The following SUGCT variants were observed in gnomAD, a reference collection of about 807,000 sequenced individuals.
SUGCT encodes the protein succinyl-CoA:glutarate CoA-transferase.
SUGCT carries 41 observed loss-of-function variants against 55.0 expected under a neutral mutation model. The observed-to-expected ratio is 0.74, with a 90% CI of 0.58 to 0.97. SUGCT has a LOEUF of 0.97. Among genes scored for constraint, SUGCT ranks in the 50% least tolerant of loss-of-function variants. The pLI, the probability that SUGCT is intolerant of heterozygous loss-of-function variation, is 0.00. For missense variants in SUGCT, 568 were observed against 547.8 expected (o/e 1.04, Z -0.37); for synonymous variants, 187 against 200.4 (o/e 0.93, Z 0.56).
intron 9 of SUGCT, among the ~76,000 whole-genome samples, chr7:40,322,368 AC>A (rs1258270994): frequency 6.6e-6 from 1 of 152,120 alleles, no homozygotes; most frequent in African/African-American, 2.4e-5. Context: ...CTTTGTGCCC[AC>A]AGATCTTTGG....
the SUGCT span, among the ~76,000 whole-genome samples, chr7:40,884,526 C>A: frequency 6.6e-6 from 1 of 152,122 alleles, no homozygotes; most frequent in Non-Finnish European, 1.5e-5. Context: ...TAAATCCTCA[C>A]ATGTTAATAT....
intron 11 of SUGCT, among the ~76,000 whole-genome samples, chr7:40,479,412 G>C (rs1790899913): frequency 6.6e-6 from 1 of 152,080 alleles, no homozygotes; most frequent in South Asian, 2.1e-4. Flanking sequence ...AGCAGCAATA[G>C]ACTATAGCTT....
chr7:40,377,128 C>G lies in SUGCT; in HGVS notation c.816+60273C>G, dbSNP rs985180732. 3.2e-4 allele frequency among the ~76,000 whole-genome samples: 2 copies of G among 6,318 alleles called. 1 individual carries two copies. The highest frequency in any genetic ancestry group is 5.2e-4 in the African/African-American group (2 of 3,874). 4.1% of individuals were successfully genotyped at this position (6,318 alleles called of 152,430 possible). ...CTTGGAAAGGAAATTTTCAGCCTTC[C>G]TCTTTCTTTCTTTCTTTCTTTCTTT... On this transcript the variant is annotated intron_variant, in intron 9 of 13. Coordinates refer to ENST00000335693, the MANE Select transcript of SUGCT (RefSeq NM_001193313.2).
the SUGCT span, among the ~76,000 whole-genome samples, chr7:40,968,573 T>C: frequency 1.3e-5 from 2 of 152,194 alleles, no homozygotes; most frequent in African/African-American, 4.8e-5. Context: ...CAAGGTGAGG[T>C]TCAGCTCCTG....
chr7:40,617,453 T>C (rs748742392), intron 12 of SUGCT, among the ~76,000 whole-genome samples: 33 of 151,334 alleles, frequency 2.2e-4, no homozygotes, highest in Non-Finnish European at 4.3e-4. Context: ...AGTAAAATTC[T>C]GATTCAACTG....
intron 12 of SUGCT, among the ~76,000 whole-genome samples, chr7:40,644,291 T>G (rs1800397397): frequency 6.6e-6 from 1 of 152,220 alleles, no homozygotes; most frequent in African/African-American, 2.4e-5. Context: ...GTGCCTTCCA[T>G]GTCCAGATTA....
chr7:40,351,052 G>C (rs1163406587), intron 9 of SUGCT, among the ~76,000 whole-genome samples: 1 of 151,956 alleles, frequency 6.6e-6, no homozygotes, highest in Non-Finnish European at 1.5e-5. Flanking sequence ...GGGCATTTGG[G>C]TTGGTTCTTA....
chr7:40,707,718 C>T (rs941804196), intron 12 of SUGCT, among the ~76,000 whole-genome samples: 14 of 152,186 alleles, frequency 9.2e-5, no homozygotes, highest in Admixed American at 8.5e-4. Flanking sequence ...CAACCATCAA[C>T]ATCAGGAAAC....
At chr7:40,193,280 GTTTTTTTTTT>G (rs752659107) in intron 5 of SUGCT, among the ~76,000 whole-genome samples, 1 of 87,144 alleles carries the variant, frequency 1.1e-5, no homozygotes, top group African/African-American at 4.7e-5. Context: ...CAATTACTGT[GTTTTTTTTTT>G]TTTTTTTTTT....
the SUGCT span, among the ~76,000 whole-genome samples, chr7:40,898,483 G>GGGGGGC: frequency 1.8e-4 from 20 of 108,368 alleles, 2 homozygotes; most frequent in South Asian, 9.7e-4. Context: ...GGGAGGTCGG[G>GGGGGGC]GGGGGGGGGG....
At chr7:40,333,705 A>C (rs1260330272) in intron 9 of SUGCT, among the ~76,000 whole-genome samples, 1 of 129,116 alleles carries the variant, frequency 7.7e-6, no homozygotes, top group Non-Finnish European at 1.7e-5. Context: ...ATATATATAA[A>C]TATTTATAAA....
rs1794453976 is a variant in SUGCT at position 40,860,556 on chromosome 7, C to T, written c.*77C>T. 1 of 1,466,254 alleles carries T rather than the reference C, an allele frequency of 6.8e-7. No homozygotes were observed. The highest frequency in any genetic ancestry group is 9.2e-7 in the Non-Finnish European group (1 of 1,092,592). The allele number at this position is 1,466,254 out of a possible 1,614,324, so 90.8% of individuals were successfully genotyped here. ...GCAACACTTTGCTTGGACCCTTCTC[C>T]CCAGTTCTGATACCACTAAAAAGAA... On this transcript the variant is annotated 3_prime_UTR_variant, in exon 14 of 14. Coordinates refer to ENST00000335693, the MANE Select transcript of SUGCT (RefSeq NM_001193313.2).
At chr7:40,402,564 A>G (rs192963166) in intron 9 of SUGCT, among the ~76,000 whole-genome samples, 24 of 152,128 alleles carry the variant, frequency 1.6e-4, no homozygotes, top group African/African-American at 5.5e-4. Context: ...AAATTTCCAG[A>G]TACTGTTTAT....
chr7:40,922,519 G>A, the SUGCT span, among the ~76,000 whole-genome samples: 4 of 152,194 alleles, frequency 2.6e-5, no homozygotes, highest in Admixed American at 2.0e-4. Flanking sequence ...AGAGACAGCA[G>A]CCTTGGGCAA....
the SUGCT span, among the ~76,000 whole-genome samples, chr7:40,872,163 G>T: frequency 6.6e-6 from 1 of 152,152 alleles, no homozygotes; most frequent in Non-Finnish European, 1.5e-5. Flanking sequence ...CTGCTGCAGA[G>T]AAACACTAAT....
intron 13 of SUGCT, among the ~76,000 whole-genome samples, chr7:40,824,378 G>C (rs1173680553): frequency 1.3e-5 from 2 of 151,986 alleles, no homozygotes; most frequent in African/African-American, 4.8e-5. Context: ...GTGTTGGGGA[G>C]GCAAGAACAG....
chr7:40,547,221 C>G (rs1795039099), intron 12 of SUGCT, among the ~76,000 whole-genome samples: 1 of 152,190 alleles, frequency 6.6e-6, no homozygotes, highest in African/African-American at 2.4e-5. Context: ...AGCAAAGTTC[C>G]CTCGTAGCCT....
At chr7:40,551,046 C>G (rs1029483965) in intron 12 of SUGCT, among the ~76,000 whole-genome samples, 1 of 152,180 alleles carries the variant, frequency 6.6e-6, no homozygotes, top group Non-Finnish European at 1.5e-5. Flanking sequence ...TGCCATGTCT[C>G]TGCAATGCCT....
At chr7:40,136,610 A>G (rs1169191522) in intron 1 of SUGCT, among the ~76,000 whole-genome samples, 2 of 152,234 alleles carry the variant, frequency 1.3e-5, no homozygotes, top group Admixed American at 6.5e-5. Context: ...GCTTAGTGAT[A>G]CAATTAAGGT....
Sources: gnomAD v4.1 joint callset for allele counts (sites outside exome capture counted in the v4.1 genomes callset) on GRCh38, gnomAD v4.1.1 for gene constraint, MANE v1.5 for transcripts, NCBI Gene and HGNC (gene_info 2026-07-23, HGNC 2026-07-21) for gene names.